Variants in HAVCR2 observed in about 807,000 individuals in gnomAD.
HAVCR2 encodes the protein T cell immunoglobulin mucin 3.
In HAVCR2, 13 loss-of-function variants were observed where a neutral mutation model predicts 24.7. That is an observed-to-expected ratio of 0.53 (90% confidence interval 0.34 to 0.84). The LOEUF (loss-of-function observed/expected upper bound fraction) is 0.84, where lower values mean the gene tolerates loss of function less well. Among genes scored for constraint, HAVCR2 ranks in the 40% least tolerant of loss-of-function variants. The probability of loss-of-function intolerance (pLI) is 0.01; values close to 1 mark genes in which losing one functional copy is unlikely to be tolerated. For missense variants in HAVCR2, 343 were observed against 371.2 expected (o/e 0.92, Z 0.62); for synonymous variants, 154 against 143.4 (o/e 1.07, Z -0.53).
intron 2 of HAVCR2, chr5:157,106,288 G>A: frequency 4.6e-6 from 1 of 218,922 alleles, no homozygotes; most frequent in Non-Finnish European, 9.2e-6. Context: ...CCGTAACCAT[G>A]CCTGGCTAAT....
intron 3 of HAVCR2, among the ~76,000 whole-genome samples, chr5:157,100,669 G>C (rs1406497580): frequency 2.0e-5 from 3 of 151,990 alleles, no homozygotes; most frequent in Non-Finnish European, 2.9e-5. Context: ...GTGTATAAAG[G>C]GTTTGACTAA....
rs940722668 is a variant in HAVCR2 at position 157,093,859 on chromosome 5, C to T, written c.676+1447G>A. On this transcript the variant is annotated intron_variant, in intron 5 of 6. Transcript: ENST00000307851. ...ACTCTGGAAGCTGAGTCAGGAGAAACACTTGAACCCGGGAGGCAGAGGTTA... is the reference window on the plus strand; with the variant it reads ...ACTCTGGAAGCTGAGTCAGGAGAAATACTTGAACCCGGGAGGCAGAGGTTA... Among the ~76,000 whole-genome samples, 4 of 152,144 alleles carry T rather than the reference C, an allele frequency of 2.6e-5. No individual in the cohort carries two copies. The South Asian group carries it at 6.2e-4, about 24-fold the overall frequency.
In HAVCR2 at chr5:157,106,851, G is replaced by A; in HGVS notation, c.170C>T (p.Ala57Val). Reference sequence around the variant, plus strand: ...GTTGCCACATTCAAACACAGGACAGGCTCCTTTGCCCCAGCAGACGGGCAC... The same window carrying A: ...GTTGCCACATTCAAACACAGGACAGACTCCTTTGCCCCAGCAGACGGGCAC... Reference protein sequence around the residue: ...NLVPVCWGKGACPVFECGNVV... With the variant: ...NLVPVCWGKGVCPVFECGNVV... The change falls in exon 2 of 7, where the codon GCC becomes GTC. Residue 57 changes from alanine (A) to valine (V), a missense_variant. Physicochemically the swap from Ala to Val is moderately conservative, Grantham distance 64 (BLOSUM62 0). Coordinates refer to ENST00000307851, the MANE Select transcript of HAVCR2 (RefSeq NM_032782.5). The A allele has an allele frequency of 6.2e-7, 1 of 1,614,178 alleles. No homozygotes were observed. Among genetic ancestry groups the A allele is most frequent in the Non-Finnish European group, 8.5e-7 (1 of 1,180,038 alleles).
chr5:157,092,906 A>G (rs1168040056), intron 5 of HAVCR2, among the ~76,000 whole-genome samples: 1 of 115,902 alleles, frequency 8.6e-6, no homozygotes, highest in African/African-American at 3.3e-5. Context: ...AAAAAAAAAA[A>G]AAAAAAAAAA....
intron 5 of HAVCR2, 68 bp from the exon 6 acceptor site, chr5:157,089,045 G>A: frequency 7.2e-7 from 1 of 1,396,958 alleles, no homozygotes; most frequent in Non-Finnish European, 1.0e-6. Context: ...AAATCAAATA[G>A]GTTCACTGGA....
At chr5:157,096,298 G>C (rs1757093880) in intron 4 of HAVCR2, among the ~76,000 whole-genome samples, 1 of 150,892 alleles carries the variant, frequency 6.6e-6, no homozygotes, top group Admixed American at 6.6e-5. Flanking sequence ...AGAGTTATCA[G>C]GAAAACTAAG....
At chr5:157,095,633 G>A (rs186992535) in intron 4 of HAVCR2, among the ~76,000 whole-genome samples, 174 bp from the exon 5 acceptor site, 3 of 151,588 alleles carry the variant, frequency 2.0e-5, no homozygotes, top group East Asian at 3.9e-4. Context: ...CCCAAGAAAG[G>A]GTCTCCCTTA....
At chr5:157,103,857 C>T (rs1472079488) in intron 3 of HAVCR2, among the ~76,000 whole-genome samples, 1 of 152,210 alleles carries the variant, frequency 6.6e-6, no homozygotes, top group African/African-American at 2.4e-5. Flanking sequence ...CACTGAAGTA[C>T]TTTAACCACA....
chr5:157,096,328 C>T (rs574815648), intron 4 of HAVCR2, among the ~76,000 whole-genome samples: 77 of 151,586 alleles, frequency 5.1e-4, no homozygotes, highest in African/African-American at 1.8e-3. Flanking sequence ...ATATAAAATG[C>T]TTAGTACAGG....
At chr5:157,107,196 G>C (rs2113696366) in intron 1 of HAVCR2, 1 of 518,546 alleles carries the variant, frequency 1.9e-6, no homozygotes, top group South Asian at 2.9e-5. Context: ...GACTCAGTTG[G>C]CCTGTGGTAG....
chr5:157,087,583 G>A (rs1209847510), intron 6 of HAVCR2, among the ~76,000 whole-genome samples: 1 of 152,232 alleles, frequency 6.6e-6, no homozygotes. Context: ...GAAGTATCAA[G>A]ATGTCTGCAA....
In HAVCR2 at chr5:157,096,228, T is replaced by C. The variant is rs868142875; in HGVS notation, c.523-769A>G. On this transcript the variant is annotated intron_variant, in intron 4 of 6. Transcript: ENST00000307851. ...CTGGGCAACAGAGCGAGACTCCATC[T>C]CAAAAAAAAAAAAAAAAAAAAAATT... Among the ~76,000 whole-genome samples the C allele has an allele frequency of 1.0e-3, 21 of 20,102 alleles. No homozygotes were observed. The Middle Eastern group carries it at 0.094, about 90-fold the overall frequency. The allele number at this position is 20,102 out of a possible 152,430, so 13.2% of individuals were successfully genotyped here. A position where few individuals can be genotyped will look rare whatever the true frequency, so the allele number is the denominator to read the frequency against.
At chr5:157,096,777 C>G (rs551314211) in intron 4 of HAVCR2, among the ~76,000 whole-genome samples, 8 of 151,712 alleles carry the variant, frequency 5.3e-5, no homozygotes, top group African/African-American at 9.7e-5. Flanking sequence ...AACTCCATCT[C>G]AAAAATAAAT....
At chr5:157,096,938 AC>A (rs1757102448) in intron 4 of HAVCR2, among the ~76,000 whole-genome samples, 1 of 149,480 alleles carries the variant, frequency 6.7e-6, no homozygotes, top group Non-Finnish European at 1.5e-5. Flanking sequence ...ACACACACAC[AC>A]ACACACACAC....
intron 4 of HAVCR2, 143 bp from the exon 5 acceptor site, chr5:157,095,602 T>G: frequency 1.1e-6 from 1 of 873,002 alleles, no homozygotes; most frequent in South Asian, 1.7e-5. Flanking sequence ...TCTGTCACCT[T>G]GTAGCCAACA....
chr5:157,104,547 G>T, intron 3 of HAVCR2, 119 bp downstream of exon 3: 1 of 648,944 alleles, frequency 1.5e-6, no homozygotes, highest in Non-Finnish European at 2.7e-6. Flanking sequence ...TATTTCAGGT[G>T]CACGGAGATA....
chr5:157,107,336 C>T (rs1424661751), intron 1 of HAVCR2: 1 of 179,540 alleles, frequency 5.6e-6, no homozygotes, highest in Non-Finnish European at 1.2e-5. Flanking sequence ...GAGAACAGGG[C>T]TGATGGAAAC....
chr5:157,089,677 G>A (rs1756967342), intron 5 of HAVCR2, among the ~76,000 whole-genome samples: 2 of 152,192 alleles, frequency 1.3e-5, no homozygotes, highest in Admixed American at 1.3e-4. Flanking sequence ...CCTCAGAGAT[G>A]AACTTTAAGC....
chr5:157,093,650 TAA>T (rs1757045267), intron 5 of HAVCR2, among the ~76,000 whole-genome samples: 1 of 152,052 alleles, frequency 6.6e-6, no homozygotes, highest in South Asian at 2.1e-4. Flanking sequence ...GACACAATTA[TAA>T]AAGTGTGTGA....
Sources: gnomAD v4.1 joint callset for allele counts (sites outside exome capture counted in the v4.1 genomes callset) on GRCh38, gnomAD v4.1.1 for gene constraint, MANE v1.5 for transcripts, NCBI Gene and HGNC (gene_info 2026-07-23, HGNC 2026-07-21) for gene names.